The following COBL variants were observed in gnomAD, a reference collection of about 807,000 sequenced individuals.
COBL encodes the protein protein cordon-bleu.
In COBL, 51 loss-of-function variants were observed where a neutral mutation model predicts 98.8. The observed-to-expected ratio is 0.52, with a 90% CI of 0.41 to 0.65. The LOEUF (loss-of-function observed/expected upper bound fraction) is 0.65. Among genes scored for constraint, COBL ranks in the 30% least tolerant of loss-of-function variants. COBL has a pLI of 0.00. For missense variants in COBL, 1,617 were observed against 1,617.5 expected, an observed-to-expected ratio of 1.00 and a Z score of 0.01; for synonymous variants, 634 against 651.7, an observed-to-expected ratio of 0.97 and a Z score of 0.41.
intron 1 of COBL, among the ~76,000 whole-genome samples, chr7:51,314,313 T>C (rs572483862): frequency 2.0e-5 from 3 of 152,322 alleles, no homozygotes; most frequent in South Asian, 4.2e-4. Flanking sequence ...AGACAGAGGC[T>C]TACTGAAAGT....
intron 4 of COBL, among the ~76,000 whole-genome samples, chr7:51,188,481 G>A (rs966513143): frequency 5.3e-5 from 8 of 152,228 alleles, no homozygotes; most frequent in Non-Finnish European, 1.2e-4. Flanking sequence ...TGGCAGGGAC[G>A]GTAATCAAAT....
At chr7:51,206,011 G>A (rs1264484051) in intron 2 of COBL, among the ~76,000 whole-genome samples, 1 of 152,120 alleles carries the variant, frequency 6.6e-6, no homozygotes, top group Non-Finnish European at 1.5e-5. Flanking sequence ...TGTTAGAATG[G>A]CAATTTTATC....
At chr7:51,293,987 T>C (rs1355170628) in intron 1 of COBL, among the ~76,000 whole-genome samples, 1 of 152,090 alleles carries the variant, frequency 6.6e-6, no homozygotes, top group Admixed American at 6.6e-5. Flanking sequence ...CCTAAGTTTT[T>C]CAACAGTCAA....
chr7:51,240,542 T>C (rs1191729707), intron 1 of COBL, among the ~76,000 whole-genome samples: 2 of 73,782 alleles, frequency 2.7e-5, no homozygotes, highest in Non-Finnish European at 4.4e-5. Flanking sequence ...CTGAACATAT[T>C]TTTTTTTTAT....
rs913782026 is a variant in COBL at position 51,172,425 on chromosome 7, C to T, written c.783+11677G>A. Reference sequence around the variant, plus strand: ...AAAGCAAGAAGTTCCAAGCAATTAGCGGAAGCACCTGCTGGGGCATTAGTA... The same window carrying T: ...AAAGCAAGAAGTTCCAAGCAATTAGTGGAAGCACCTGCTGGGGCATTAGTA... On this transcript the variant is annotated intron_variant, in intron 5 of 12. Transcript: ENST00000265136. 8.0e-6 allele frequency: 10 copies of T among 1,255,090 alleles called. No homozygotes were observed. The East Asian group carries it at 2.3e-4, about 28-fold the overall frequency. 77.7% of individuals were successfully genotyped at this position (1,255,090 alleles called of 1,614,324 possible).
intron 6 of COBL, among the ~76,000 whole-genome samples, chr7:51,131,753 C>A (rs1798765023): frequency 6.6e-6 from 1 of 152,316 alleles, no homozygotes; most frequent in Non-Finnish European, 1.5e-5. Context: ...GCCACCACGC[C>A]CAGCTAATTT....
intron 6 of COBL, among the ~76,000 whole-genome samples, chr7:51,091,717 C>T (rs754079945): frequency 1.3e-5 from 2 of 152,122 alleles, no homozygotes; most frequent in Non-Finnish European, 2.9e-5. Flanking sequence ...GACCATACCA[C>T]AATTCATTAA....
At chr7:51,132,367 C>T (rs1407648609) in intron 6 of COBL, among the ~76,000 whole-genome samples, 3 of 152,238 alleles carry the variant, frequency 2.0e-5, no homozygotes, top group African/African-American at 7.2e-5. Flanking sequence ...GATCGGAACC[C>T]AGGCAAATGC....
chr7:51,136,075 T>C (rs1441536369), intron 6 of COBL, 83 bp downstream of exon 6: 2 of 1,501,606 alleles, frequency 1.3e-6, no homozygotes, highest in African/African-American at 2.8e-5. Context: ...CATGAAGGAT[T>C]ACTGTGTTCC....
In COBL at chr7:51,158,005, T is replaced by C. The variant is rs541654022; in HGVS notation, c.784-21674A>G. Among the ~76,000 whole-genome samples the C allele has an allele frequency of 3.9e-5, 6 of 152,316 alleles. No individual in the cohort carries two copies. In the South Asian group the frequency reaches 1.2e-3, roughly 32 times the overall value. On this transcript the variant is annotated intron_variant, in intron 5 of 12. Coordinates refer to ENST00000265136, the MANE Select transcript of COBL (RefSeq NM_015198.5). ...GCCTTTCACTATACTTCTTAAAATA[T>C]AAAACTTTTAAAAGGGTTGCTGCCC...
intron 8 of COBL, among the ~76,000 whole-genome samples, chr7:51,041,836 T>C (rs937643446): frequency 6.6e-6 from 1 of 152,182 alleles, no homozygotes; most frequent in African/African-American, 2.4e-5. Context: ...GATGAGTTCT[T>C]ACACTTATCT....
chr7:51,161,844 T>G (rs1299465911), intron 5 of COBL, among the ~76,000 whole-genome samples: 1 of 149,816 alleles, frequency 6.7e-6, no homozygotes, highest in Non-Finnish European at 1.5e-5. Context: ...GAGAAAGGCC[T>G]GCTAATGACT....
Position 51,074,107 on chromosome 7 carries a change from C to T in COBL, c.1096+11059G>A, listed in dbSNP as rs761322871. On this transcript the variant is annotated intron_variant, in intron 7 of 12. Coordinates refer to ENST00000265136, the MANE Select transcript of COBL (RefSeq NM_015198.5). ...CATCAGCACCCAAAACCTCCTGAGA[C>T]AAACAGTTTAGAAGACTATTGTCAT... is the stretch of plus-strand genomic sequence containing the variant. Among the ~76,000 whole-genome samples, 54 of 151,086 alleles carry T rather than the reference C, an allele frequency of 3.6e-4. 1 individual carries two copies. Among genetic ancestry groups the T allele is most frequent in the Non-Finnish European group, 7.2e-4 (49 of 67,836 alleles).
intron 5 of COBL, among the ~76,000 whole-genome samples, 192 bp downstream of exon 5, chr7:51,183,910 C>T (rs985075723): frequency 6.6e-6 from 1 of 152,238 alleles, no homozygotes; most frequent in Non-Finnish European, 1.5e-5. Context: ...CCCAAGATTA[C>T]TCCTTTTGGA....
chr7:51,200,960 G>C (rs1420478446), intron 2 of COBL, among the ~76,000 whole-genome samples: 3 of 152,138 alleles, frequency 2.0e-5, no homozygotes, highest in Non-Finnish European at 4.4e-5. Context: ...AAAGAAAGGA[G>C]CCCGGCATGG....
At chr7:51,286,294 A>G (rs1800352692) in intron 1 of COBL, among the ~76,000 whole-genome samples, 2 of 151,776 alleles carry the variant, frequency 1.3e-5, no homozygotes, top group Admixed American at 1.3e-4. Flanking sequence ...ACTCTTCCAA[A>G]GACACTGCTA....
intron 1 of COBL, among the ~76,000 whole-genome samples, chr7:51,236,757 T>C (rs1795293744): frequency 6.6e-6 from 1 of 152,158 alleles, no homozygotes; most frequent in South Asian, 2.1e-4. Flanking sequence ...CAATGCGTAG[T>C]ATATAAAATA....
At chr7:51,155,204 G>T (rs1188592577) in intron 5 of COBL, among the ~76,000 whole-genome samples, 2 of 152,112 alleles carry the variant, frequency 1.3e-5, no homozygotes, top group Non-Finnish European at 2.9e-5. Context: ...ACCAATATAT[G>T]GCTGCAAAGA....
At chr7:51,276,300 A>G (rs1187150851) in intron 1 of COBL, among the ~76,000 whole-genome samples, 1 of 152,090 alleles carries the variant, frequency 6.6e-6, no homozygotes, top group East Asian at 1.9e-4. Context: ...CAGCACCAAG[A>G]GCTATGTAAG....
Sources: gnomAD v4.1 joint callset for allele counts (sites outside exome capture counted in the v4.1 genomes callset) on GRCh38, gnomAD v4.1.1 for gene constraint, MANE v1.5 for transcripts, NCBI Gene and HGNC (gene_info 2026-07-23, HGNC 2026-07-21) for gene names.